The following PPP3CA variants were observed in gnomAD, a reference collection of about 807,000 sequenced individuals.
PPP3CA encodes the protein protein phosphatase 3 catalytic subunit alpha, also known as CAM-PRP catalytic subunit.
In PPP3CA, 14 loss-of-function variants were observed where a neutral mutation model predicts 66.5. The observed-to-expected ratio is 0.21, with a 90% CI of 0.14 to 0.33. The LOEUF is 0.33. Among genes scored for constraint, PPP3CA ranks in the 10% least tolerant of loss-of-function variants. PPP3CA has a pLI of 1.00. For synonymous variants in PPP3CA, 232 were observed against 226.2 expected, an observed-to-expected ratio of 1.03 and a Z score of -0.23; for missense variants, 317 against 639.5, an observed-to-expected ratio of 0.50 and a Z score of 5.44.
intron 7 of PPP3CA, among the ~76,000 whole-genome samples, chr4:101,081,914 C>G (rs962041332): frequency 2.0e-5 from 3 of 152,186 alleles, no homozygotes; most frequent in Non-Finnish European, 4.4e-5. Flanking sequence ...CAGAGGGTGA[C>G]TATGCCTACT....
At chr4:101,090,846 CTATATTATAATATA>C in intron 6 of PPP3CA, among the ~76,000 whole-genome samples, 1 of 147,210 alleles carries the variant, frequency 6.8e-6, no homozygotes, top group Non-Finnish European at 1.5e-5. Flanking sequence ...ATATCTGTGT[CTATATTATAATATA>C]CACACATATC....
At chr4:101,247,879 C>T (rs1726539313) in intron 1 of PPP3CA, among the ~76,000 whole-genome samples, 1 of 151,774 alleles carries the variant, frequency 6.6e-6, no homozygotes. Flanking sequence ...TGAAGAGGGA[C>T]AAAAAACCTA....
chr4:101,116,989 A>C (rs1340828259), intron 2 of PPP3CA, among the ~76,000 whole-genome samples: 1 of 151,590 alleles, frequency 6.6e-6, no homozygotes, highest in Non-Finnish European at 1.5e-5. Context: ...TATATATGAA[A>C]TTGCAAGGAT....
chr4:101,141,692 T>C (rs750927917), intron 2 of PPP3CA, among the ~76,000 whole-genome samples: 1 of 152,212 alleles, frequency 6.6e-6, no homozygotes, highest in African/African-American at 2.4e-5. Context: ...TCTTCTTTAA[T>C]ATTCTTTCAC....
rs950709649 is a variant in PPP3CA, at chr4:101,347,518, G to A, written c.-722C>T. 1 of 163,988 alleles carries A rather than the reference G, an allele frequency of 6.1e-6. No homozygotes were observed. Among genetic ancestry groups the A allele is most frequent in the South Asian group, 1.3e-4 (1 of 7,744 alleles). The allele number at this position is 163,988 out of a possible 1,614,324, so 10.2% of individuals were successfully genotyped here. On this transcript the variant is annotated 5_prime_UTR_variant, in exon 1 of 14. Coordinates refer to ENST00000394854, the MANE Select transcript of PPP3CA (RefSeq NM_000944.5). The stretch of plus-strand genomic sequence containing the variant: ...CCGAGCTCGGCAGACACAGTCCCGG[G>A]CACAACCTACCCCCCTCCGCCGCCG...
At chr4:101,185,143 A>T (rs1724371371) in intron 2 of PPP3CA, among the ~76,000 whole-genome samples, 1 of 151,988 alleles carries the variant, frequency 6.6e-6, no homozygotes. Context: ...CAGCACTTGC[A>T]TGCCAAAATT....
rs776577962 is a variant in PPP3CA at position 101,346,832 on chromosome 4, C to G, written c.-36G>C. On this transcript the variant is annotated 5_prime_UTR_variant, in exon 1 of 14. Coordinates refer to ENST00000394854, the MANE Select transcript of PPP3CA (RefSeq NM_000944.5). ...CGGAGGACAGCGACGCGCTGCTCGT[C>G]CGTCCGACTGCACACCCCGACCGGA... 3.1e-5 allele frequency: 50 copies of G among 1,599,656 alleles called. No homozygotes were observed. Among genetic ancestry groups the G allele is most frequent in the Non-Finnish European group, 3.9e-5 (46 of 1,174,126 alleles).
rs1181241893 is a variant in PPP3CA at position 101,024,173 on chromosome 4, G to GGAA, written c.*1689_*1691dup. The GGAA allele has an allele frequency of 6.6e-6, 1 of 152,140 alleles. No homozygotes were observed. Among genetic ancestry groups the GGAA allele is most frequent in the Admixed American group, 6.5e-5 (1 of 15,280 alleles). The allele number at this position is 152,140 out of a possible 1,614,324, so 9.4% of individuals were successfully genotyped here. On this transcript the variant is annotated 3_prime_UTR_variant, in exon 14 of 14. Transcript: ENST00000394854. ...ATCCACCAAGATTCTTTCTTACAGT[G>GGAA]GAAGTAGGCACCACCCCTCAGATCA...
intron 1 of PPP3CA, among the ~76,000 whole-genome samples, chr4:101,238,616 C>T (rs1260234428): frequency 4.6e-5 from 7 of 151,956 alleles, no homozygotes; most frequent in Admixed American, 4.6e-4. Context: ...CCCCTAGGGC[C>T]ATTTGAAGTC....
chr4:101,314,315 A>T (rs1326070540), intron 1 of PPP3CA, among the ~76,000 whole-genome samples: 5 of 152,142 alleles, frequency 3.3e-5, no homozygotes, highest in Admixed American at 3.3e-4. Context: ...TTACCAAAAA[A>T]TTTAATTTTC....
chr4:101,334,814 C>G (rs563804617), intron 1 of PPP3CA, among the ~76,000 whole-genome samples: 2 of 151,954 alleles, frequency 1.3e-5, no homozygotes, highest in African/African-American at 4.8e-5. Flanking sequence ...TTTCTTCCCC[C>G]CAGAGATATA....
In PPP3CA at chr4:101,308,762, T is replaced by C. The variant is rs146176488; in HGVS notation, c.58+37977A>G. Reference sequence around the variant, plus strand: ...TTAATAAAGTGTTAGCCAAAATTCATTTATTTTGTAGTCACAAAAAATTTC... The same window carrying C: ...TTAATAAAGTGTTAGCCAAAATTCACTTATTTTGTAGTCACAAAAAATTTC... On this transcript the variant is annotated intron_variant, in intron 1 of 13. Coordinates refer to ENST00000394854, the MANE Select transcript of PPP3CA (RefSeq NM_000944.5). Among the ~76,000 whole-genome samples the C allele has an allele frequency of 9.1e-3, 1,384 of 152,320 alleles. 18 individuals are homozygous for C. Among genetic ancestry groups the C allele is most frequent in the African/African-American group, 0.031 (1,288 of 41,562 alleles).
intron 2 of PPP3CA, among the ~76,000 whole-genome samples, chr4:101,177,945 T>C (rs930711444): frequency 6.6e-6 from 1 of 152,100 alleles, no homozygotes; most frequent in Non-Finnish European, 1.5e-5. Context: ...TATCCATCCA[T>C]TTACAGAAGG....
intron 10 of PPP3CA, among the ~76,000 whole-genome samples, chr4:101,044,207 A>G (rs1727662546): frequency 6.6e-6 from 1 of 152,216 alleles, no homozygotes; most frequent in South Asian, 2.1e-4. Context: ...TACTATACTT[A>G]GTATTGCTAT....
At chr4:101,322,748 T>A (rs573229833) in intron 1 of PPP3CA, among the ~76,000 whole-genome samples, 7 of 152,218 alleles carry the variant, frequency 4.6e-5, no homozygotes, top group Admixed American at 3.9e-4. Context: ...AGCCTTTGCA[T>A]CCTCAGGAAC....
intron 2 of PPP3CA, among the ~76,000 whole-genome samples, chr4:101,151,823 AT>A (rs1723151949): frequency 6.6e-6 from 1 of 151,122 alleles, no homozygotes. Flanking sequence ...CACCCTGCTA[AT>A]TTTTTGTATT....
intron 9 of PPP3CA, 30 bp downstream of exon 9, chr4:101,063,202 A>G (rs201499740): frequency 6.2e-7 from 1 of 1,604,064 alleles, no homozygotes; most frequent in Admixed American, 1.7e-5. Flanking sequence ...AACTATTTTA[A>G]GAAGAACATC....
chr4:101,300,982 C>G (rs150236341), intron 1 of PPP3CA, among the ~76,000 whole-genome samples: 69 of 152,206 alleles, frequency 4.5e-4, no homozygotes, highest in Admixed American at 1.1e-3. Flanking sequence ...AAGTATTCAT[C>G]TAAAATTATC....
intron 1 of PPP3CA, among the ~76,000 whole-genome samples, chr4:101,270,267 A>G (rs2110265303): frequency 6.6e-6 from 1 of 152,256 alleles, no homozygotes; most frequent in Middle Eastern, 3.4e-3. Flanking sequence ...TGTGCATACC[A>G]CCTTCACAAC....
Sources: gnomAD v4.1 joint callset for allele counts (sites outside exome capture counted in the v4.1 genomes callset) on GRCh38, gnomAD v4.1.1 for gene constraint, MANE v1.5 for transcripts, NCBI Gene and HGNC (gene_info 2026-07-23, HGNC 2026-07-21) for gene names.